Variants in XYLB observed in about 807,000 individuals in gnomAD.
XYLB encodes the protein xylulose kinase.
Under a neutral mutation model 78.7 loss-of-function variants are expected in XYLB, and 62 were observed. The observed-to-expected ratio is 0.79, with a 90% CI of 0.64 to 0.97. The LOEUF is 0.97. Ranked by LOEUF, XYLB falls within the 50% of genes least tolerant of loss-of-function variation. XYLB has a pLI of 0.00. For missense variants in XYLB, 687 were observed against 676.8 expected (o/e 1.02, Z -0.17); for synonymous variants, 245 against 247.4 (o/e 0.99, Z 0.09).
intron 10 of XYLB, 90 bp downstream of exon 10, chr3:38,372,826 C>A: frequency 2.8e-6 from 4 of 1,429,442 alleles, no homozygotes; most frequent in African/African-American, 1.4e-5. Context: ...CTTGGTGAAA[C>A]CTTCTGTGGT....
the XYLB span, among the ~76,000 whole-genome samples, chr3:38,431,163 G>A: frequency 0.52 from 78,541 of 151,942 alleles, 21,427 homozygotes; most frequent in Non-Finnish European, 0.61. Flanking sequence ...CCATTTTCCA[G>A]TATTGATTCT....
chr3:38,400,875 G>T lies in XYLB; in HGVS notation c.1439-16G>T. 6.2e-7 allele frequency: 1 copy of T among 1,611,642 alleles called. No individual in the cohort carries two copies. Among genetic ancestry groups the T allele is most frequent in the South Asian group, 1.1e-5 (1 of 90,728 alleles). Reference sequence around the variant, plus strand: ...CTTGCAACATGCACTAATGTGAAGTGACCTTTCCCTTCTAGGTCTTGCAGG... The same window carrying T: ...CTTGCAACATGCACTAATGTGAAGTTACCTTTCCCTTCTAGGTCTTGCAGG... On this transcript the variant is annotated splice_polypyrimidine_tract_variant and intron_variant, in intron 17 of 18. Transcript: ENST00000207870.
intron 9 of XYLB, among the ~76,000 whole-genome samples, chr3:38,371,414 T>C (rs182556323): frequency 1.4e-3 from 219 of 152,196 alleles, no homozygotes; most frequent in Non-Finnish European, 2.6e-3. Context: ...GCTGGGACTA[T>C]AGGTGCCCGC....
At chr3:38,392,094 T>G (rs894888235) in intron 15 of XYLB, among the ~76,000 whole-genome samples, 1 of 152,174 alleles carries the variant, frequency 6.6e-6, no homozygotes, top group African/African-American at 2.4e-5. Context: ...CTGCTGAGTG[T>G]AAGGGAGTGG....
At chr3:38,376,865 G>T in intron 13 of XYLB, 53 bp from the exon 14 acceptor site, 1 of 1,521,378 alleles carries the variant, frequency 6.6e-7, no homozygotes, top group East Asian at 2.3e-5. Flanking sequence ...TTAAGAAGCT[G>T]ATCTTTTGTT....
At chr3:38,429,054 A>G in the XYLB span, among the ~76,000 whole-genome samples, 9 of 152,220 alleles carry the variant, frequency 5.9e-5, no homozygotes, top group Admixed American at 5.2e-4. Flanking sequence ...TACCTTGCTC[A>G]AGGTCATTCG....
downstream of XYLB, among the ~76,000 whole-genome samples, chr3:38,418,185 A>G (rs1380948554): frequency 7.5e-6 from 1 of 133,196 alleles, no homozygotes; most frequent in Non-Finnish European, 1.6e-5. Context: ...ACAGAGCAAG[A>G]CTCTGTCTCA....
downstream of XYLB, among the ~76,000 whole-genome samples, chr3:38,416,648 C>A (rs1708804527): frequency 6.6e-6 from 1 of 151,926 alleles, no homozygotes; most frequent in African/African-American, 2.4e-5. Context: ...ATAGACCAGA[C>A]AAGTAGGACC....
At chr3:38,398,238 G>A (rs1333216931) in intron 17 of XYLB, among the ~76,000 whole-genome samples, 3 of 151,990 alleles carry the variant, frequency 2.0e-5, no homozygotes, top group Non-Finnish European at 4.4e-5. Context: ...GGGAGGCCGA[G>A]GCGGGTGGAT....
rs1056733883 is a variant in XYLB, at chr3:38,372,554, C to T, written c.766-101C>T. The T allele has an allele frequency of 3.8e-6, 6 of 1,590,962 alleles. No individual in the cohort carries two copies. In the African/African-American group the frequency reaches 6.7e-5, roughly 18 times the overall value. ...AAAAGATTCCTTCAGGTCTGGTGACCTGGAGACTGTAGCGTTTTCGTGGCC... is the reference window on the plus strand; with the variant it reads ...AAAAGATTCCTTCAGGTCTGGTGACTTGGAGACTGTAGCGTTTTCGTGGCC... On this transcript the variant is annotated intron_variant, in intron 9 of 18. Transcript: ENST00000207870.
chr3:38,385,144 G>C (rs1372530908), intron 15 of XYLB, among the ~76,000 whole-genome samples: 1 of 152,050 alleles, frequency 6.6e-6, no homozygotes, highest in Non-Finnish European at 1.5e-5. Context: ...GGGATTACAG[G>C]TGCGCGCCAT....
chr3:38,419,578 TTA>T (rs67869604), downstream of XYLB, among the ~76,000 whole-genome samples: 103 of 68,174 alleles, frequency 1.5e-3, 6 homozygotes, highest in African/African-American at 3.0e-3. Flanking sequence ...TTATTTTTCT[TTA>T]TATATATATA....
chr3:38,355,408 TGG>T, intron 2 of XYLB, among the ~76,000 whole-genome samples: 1 of 152,244 alleles, frequency 6.6e-6, no homozygotes, highest in South Asian at 2.1e-4. Flanking sequence ...GTGAGCTTAA[TGG>T]TTTTGAGCCA....
chr3:38,412,351 G>C (rs180786746), intron 18 of XYLB, among the ~76,000 whole-genome samples: 2 of 152,234 alleles, frequency 1.3e-5, no homozygotes, highest in Admixed American at 1.3e-4. Context: ...ACCCTCTCCT[G>C]GACAGCTGTG....
chr3:38,400,744 AT>A lies in XYLB; in HGVS notation c.1439-142del, dbSNP rs1374718556. The A allele has an allele frequency of 2.7e-5, 16 of 594,774 alleles. No homozygotes were observed. The Admixed American group carries it at 4.5e-4, about 17-fold the overall frequency. The allele number at this position is 594,774 out of a possible 1,614,324, so 36.8% of individuals were successfully genotyped here. A position where few individuals can be genotyped will look rare whatever the true frequency, so the allele number is the denominator to read the frequency against. On this transcript the variant is annotated intron_variant, in intron 17 of 18. Transcript: ENST00000207870. ...TCCATTTTAAGTGTCCAATTCATTG[AT>A]TTTTCATAAATGTACTGAATTGTGC...
chr3:38,440,681 A>G, the XYLB span, among the ~76,000 whole-genome samples: 6 of 152,244 alleles, frequency 3.9e-5, no homozygotes, highest in African/African-American at 1.2e-4. Context: ...TTACACTGAC[A>G]ACAAGGTGGT....
At chr3:38,450,472 A>C in the XYLB span, among the ~76,000 whole-genome samples, 3 of 152,208 alleles carry the variant, frequency 2.0e-5, no homozygotes, top group Non-Finnish European at 4.4e-5. Flanking sequence ...AGGGTGGGGA[A>C]GCCAGGGAAT....
intron 16 of XYLB, among the ~76,000 whole-genome samples, chr3:38,396,344 A>G (rs2070988): frequency 0.33 from 50,618 of 152,026 alleles, 9,147 homozygotes; most frequent in East Asian, 0.56. Flanking sequence ...GCTCTGGAAC[A>G]TGAATTATAC....
chr3:38,419,604 A>ATAT (rs1559628830), downstream of XYLB, among the ~76,000 whole-genome samples: 8 of 107,240 alleles, frequency 7.5e-5, no homozygotes, highest in South Asian at 3.1e-4. Flanking sequence ...ATATATATAT[A>ATAT]ATAGCCATCG....
Sources: allele counts gnomAD v4.1 joint callset (sites outside exome capture counted in the v4.1 genomes callset), GRCh38; gene constraint gnomAD v4.1.1; transcripts MANE v1.5; gene names NCBI Gene and HGNC (gene_info 2026-07-23, HGNC 2026-07-21).